Variants in LLGL2 observed in about 807,000 individuals in gnomAD.
The protein encoded by LLGL2 is LLGL scribble cell polarity complex component 2, also known as LLGL2, scribble cell polarity complex component.
In LLGL2, 81 loss-of-function variants were observed where a neutral mutation model predicts 123.2. The ratio of observed to expected loss-of-function variants is 0.66; its 90% CI spans 0.55 to 0.79. The LOEUF is 0.79. LLGL2 is among the 30% of genes least tolerant of loss of function. LLGL2 has a pLI of 0.00. For missense variants in LLGL2, 1,273 were observed against 1,414.6 expected, an observed-to-expected ratio of 0.90 and a Z score of 1.61; for synonymous variants, 577 against 594.1, an observed-to-expected ratio of 0.97 and a Z score of 0.42.
In LLGL2 at chr17:75,535,744, T is replaced by C. The variant is rs191964220; in HGVS notation, c.-30-7653T>C. On this transcript the variant is annotated intron_variant, in intron 1 of 25. Coordinates refer to ENST00000392550, the MANE Select transcript of LLGL2 (RefSeq NM_001031803.2). ...CTCTCTCTGCCCCCACTGGTCTCTTTCTTGAGCTCTTGAGATGGAAGGCGG... is the reference window on the plus strand; with the variant it reads ...CTCTCTCTGCCCCCACTGGTCTCTTCCTTGAGCTCTTGAGATGGAAGGCGG... 3.0e-3 allele frequency among the ~76,000 whole-genome samples: 460 copies of C among 152,308 alleles called. 5 individuals are homozygous for C. The highest frequency in any genetic ancestry group is 0.011 in the African/African-American group (445 of 41,578).
chr17:75,566,735 T>A (rs2055459471), intron 10 of LLGL2, among the ~76,000 whole-genome samples: 1 of 152,152 alleles, frequency 6.6e-6, no homozygotes, highest in African/African-American at 2.4e-5. Context: ...GAGGGTTTGC[T>A]GGGAGCACCA....
At chr17:75,525,446 T>C (rs1025978134), upstream of LLGL2, among the ~76,000 whole-genome samples, 4 of 151,604 alleles carry the variant, frequency 2.6e-5, no homozygotes, top group African/African-American at 9.7e-5. This position sits in a 1 kb window ranked among gnomAD's most constrained non-coding sequence, Gnocchi z 4.8. Context: ...GGCGGGACAC[T>C]GGGCGCGGCG....
intron 1 of LLGL2, among the ~76,000 whole-genome samples, chr17:75,528,852 T>C (rs754331927): frequency 5.9e-5 from 9 of 151,862 alleles, no homozygotes; most frequent in Non-Finnish European, 1.0e-4. Context: ...TTGTAGAAAG[T>C]GTAAAATTAG....
chr17:75,553,717 G>A (rs951602308), intron 2 of LLGL2, among the ~76,000 whole-genome samples: 4 of 152,184 alleles, frequency 2.6e-5, no homozygotes, highest in South Asian at 4.2e-4. Context: ...GGGAGGCGGG[G>A]GTCAGATTGG....
chr17:75,530,099 C>T (rs937554806), intron 1 of LLGL2, among the ~76,000 whole-genome samples: 6 of 152,186 alleles, frequency 3.9e-5, no homozygotes, highest in African/African-American at 1.2e-4. Context: ...AAGAGGCATC[C>T]GTCTGTCCCA....
intron 1 of LLGL2, among the ~76,000 whole-genome samples, chr17:75,526,679 G>A (rs997981582): frequency 3.3e-5 from 5 of 152,048 alleles, no homozygotes. Flanking sequence ...CCTTAACCTG[G>A]GCTCCAGGGA....
intron 10 of LLGL2, among the ~76,000 whole-genome samples, chr17:75,567,569 G>A (rs1419337004): frequency 6.6e-6 from 1 of 151,908 alleles, no homozygotes; most frequent in Non-Finnish European, 1.5e-5. Flanking sequence ...AACCCGGGAG[G>A]CGGAGGTTGC....
At chr17:75,526,434 C>T (rs1049600959) in intron 1 of LLGL2, among the ~76,000 whole-genome samples, 4 of 152,188 alleles carry the variant, frequency 2.6e-5, no homozygotes, top group Non-Finnish European at 5.9e-5. Flanking sequence ...TGCTGACGGG[C>T]GGGGTTTGCG....
chr17:75,530,753 G>A (rs2053756309), intron 1 of LLGL2, among the ~76,000 whole-genome samples: 1 of 152,286 alleles, frequency 6.6e-6, no homozygotes, highest in Non-Finnish European at 1.5e-5. Flanking sequence ...TGAGGCTGCA[G>A]TGAACTATGA....
chr17:75,550,765 A>C (rs1186017717), intron 2 of LLGL2, among the ~76,000 whole-genome samples: 1 of 132,894 alleles, frequency 7.5e-6, no homozygotes, highest in East Asian at 2.3e-4. Context: ...TGGGCAACAG[A>C]GTGAGACCCT....
At chr17:75,531,280 C>T (rs1485161419) in intron 1 of LLGL2, among the ~76,000 whole-genome samples, 4 of 152,196 alleles carry the variant, frequency 2.6e-5, no homozygotes, top group African/African-American at 4.8e-5. Flanking sequence ...AGCCCCTGCC[C>T]GCACTGTGGG....
At chr17:75,540,249 T>C (rs2054157463) in intron 1 of LLGL2, among the ~76,000 whole-genome samples, 1 of 152,204 alleles carries the variant, frequency 6.6e-6, no homozygotes, top group Non-Finnish European at 1.5e-5. Context: ...GAAGTTTCTC[T>C]GCAGAGAACC....
intron 1 of LLGL2, among the ~76,000 whole-genome samples, chr17:75,536,392 C>T (rs958860785): frequency 2.0e-5 from 3 of 152,150 alleles, no homozygotes; most frequent in Non-Finnish European, 2.9e-5. Flanking sequence ...AGCCTCGGGA[C>T]GATGGAATAG....
chr17:75,564,497 C>A lies in LLGL2; in HGVS notation c.1026C>A (p.Asp342Glu), dbSNP rs2055360729. The A allele has an allele frequency of 6.2e-7, 1 of 1,613,090 alleles. No individual in the cohort carries two copies. Among genetic ancestry groups the A allele is most frequent in the Non-Finnish European group, 8.5e-7 (1 of 1,179,964 alleles). ...GCTTCACTGTCCTCACAGAGGCAGACCCTGCAGCCAGTAGGAGAGCTTCGG... is the reference window on the plus strand; with the variant it reads ...GCTTCACTGTCCTCACAGAGGCAGAACCTGCAGCCAGTAGGAGAGCTTCGG... ...VIGFTVLTEA[D>E]PAATFDDPYA... The change falls in exon 10 of 26, where the codon GAC becomes GAA. Residue 342 changes from aspartate (D) to glutamate (E), a missense_variant. Physicochemically the swap from Asp to Glu is conservative, Grantham distance 45. Coordinates refer to ENST00000392550, the MANE Select transcript of LLGL2 (RefSeq NM_001031803.2). This position sits in a 1 kb window ranked among gnomAD's most constrained non-coding sequence, Gnocchi z 4.9.
rs116984828 is a variant in LLGL2 at position 75,532,866 on chromosome 17, A to G, written c.-31+7041A>G. Reference sequence around the variant, plus strand: ...CACAGGGCCCTGGCCTTGGCCGGAGACTTGAGGACAGGGTAAGGAAGTTCC... The same window carrying G: ...CACAGGGCCCTGGCCTTGGCCGGAGGCTTGAGGACAGGGTAAGGAAGTTCC... On this transcript the variant is annotated intron_variant, in intron 1 of 25. Coordinates refer to ENST00000392550, the MANE Select transcript of LLGL2 (RefSeq NM_001031803.2). Among the ~76,000 whole-genome samples, 655 of 152,358 alleles carry G rather than the reference A, an allele frequency of 4.3e-3. 2 individuals are homozygous for G. Among genetic ancestry groups the G allele is most frequent in the Non-Finnish European group, 7.2e-3 (493 of 68,032 alleles).
At chr17:75,538,066 C>T (rs569662273) in intron 1 of LLGL2, among the ~76,000 whole-genome samples, 1 of 152,304 alleles carries the variant, frequency 6.6e-6, no homozygotes, top group Admixed American at 6.5e-5. Context: ...CCGCCTTGGC[C>T]TCCCAAACTG....
chr17:75,573,994 C>A lies in LLGL2; in HGVS notation c.2905+14C>A, dbSNP rs1453669275. ...GTGATGGCGAGGGTAAGACAGGCCT[C>A]CTGGGCTCATGCACACCTGGGCCAC... On this transcript the variant is annotated intron_variant, in intron 22 of 25. Coordinates refer to ENST00000392550, the MANE Select transcript of LLGL2 (RefSeq NM_001031803.2). The A allele has an allele frequency of 2.6e-6, 4 of 1,550,678 alleles. No individual in the cohort carries two copies. The African/African-American group carries it at 5.5e-5, about 21-fold the overall frequency.
rs535008352 is a variant in LLGL2 at position 75,575,015 on chromosome 17, G to A, written c.*137G>A. The A allele has an allele frequency of 3.4e-5, 43 of 1,248,810 alleles. No individual in the cohort carries two copies. The East Asian group carries it at 9.3e-4, about 27-fold the overall frequency. 77.4% of individuals were successfully genotyped at this position (1,248,810 alleles called of 1,614,324 possible). On this transcript the variant is annotated 3_prime_UTR_variant, in exon 26 of 26. Coordinates refer to ENST00000392550, the MANE Select transcript of LLGL2 (RefSeq NM_001031803.2). Reference sequence around the variant, plus strand: ...GCATCCCGGCTTCCACAATGCAGCTGCTCTGGGCCTCGGGAGAGGAGAGAC... The same window carrying A: ...GCATCCCGGCTTCCACAATGCAGCTACTCTGGGCCTCGGGAGAGGAGAGAC...
intron 8 of LLGL2, 132 bp downstream of exon 8, chr17:75,563,595 C>A: frequency 6.7e-7 from 1 of 1,483,088 alleles, no homozygotes. Flanking sequence ...CAGCAGGGTT[C>A]GCCTCACCCA....
Sources: gnomAD v4.1 joint callset for allele counts (sites outside exome capture counted in the v4.1 genomes callset) on GRCh38, gnomAD v4.1.1 for gene constraint, Gnocchi (gnomAD v3.1) non-coding constraint, MANE v1.5 for transcripts, NCBI Gene and HGNC (gene_info 2026-07-23, HGNC 2026-07-21) for gene names.